Variants in HYCC1 observed in about 807,000 individuals in gnomAD.
The protein encoded by HYCC1 is hyccin.
the HYCC1 span, among the ~76,000 whole-genome samples, chr7:22,950,711 A>G: frequency 6.6e-6 from 1 of 151,912 alleles, no homozygotes; most frequent in Non-Finnish European, 1.5e-5. Flanking sequence ...TTTAAAATCT[A>G]TTTTTTTATT....
At chr7:22,934,220 T>TCCCC in the HYCC1 span, 2 of 86,038 alleles carry the variant, frequency 2.3e-5, no homozygotes, top group Non-Finnish European at 6.1e-5. Context: ...TTTTTTTTTT[T>TCCCC]TTTTTTTTTT....
the HYCC1 span, among the ~76,000 whole-genome samples, chr7:23,007,453 A>G: frequency 6.6e-6 from 1 of 152,156 alleles, no homozygotes; most frequent in African/African-American, 2.4e-5. Context: ...GAAATTAATT[A>G]TGCAAAATAC....
At chr7:22,936,642 C>T in the HYCC1 span, 2 of 152,124 alleles carry the variant, frequency 1.3e-5, no homozygotes, top group Non-Finnish European at 2.9e-5. Context: ...TCTGTGTTTC[C>T]AACCACCTGG....
the HYCC1 span, chr7:22,976,308 A>G: frequency 6.3e-7 from 1 of 1,595,566 alleles, no homozygotes; most frequent in Non-Finnish European, 8.6e-7. Flanking sequence ...CTTCAAACCT[A>G]AAGACAAACA....
chr7:22,920,831 T>C, the HYCC1 span, among the ~76,000 whole-genome samples: 1 of 152,160 alleles, frequency 6.6e-6, no homozygotes, highest in Non-Finnish European at 1.5e-5. Context: ...GACAGCTGAG[T>C]AGATCATGAG....
the HYCC1 span, among the ~76,000 whole-genome samples, chr7:22,963,357 G>A: frequency 2.0e-5 from 3 of 152,100 alleles, no homozygotes; most frequent in Non-Finnish European, 2.9e-5. Context: ...CAAAGAGACG[G>A]GAACTACAAG....
the HYCC1 span, chr7:22,960,254 A>T: frequency 6.2e-7 from 1 of 1,613,194 alleles, no homozygotes; most frequent in Non-Finnish European, 8.5e-7. Flanking sequence ...CGTATTTCTT[A>T]CCATGTCTTT....
At chr7:22,993,134 G>A in the HYCC1 span, among the ~76,000 whole-genome samples, 2 of 152,138 alleles carry the variant, frequency 1.3e-5, no homozygotes, top group African/African-American at 2.4e-5. Context: ...ATTCAGTGAG[G>A]AAAGGATGCT....
the HYCC1 span, among the ~76,000 whole-genome samples, chr7:22,897,186 A>G: frequency 9.2e-5 from 14 of 152,336 alleles, no homozygotes; most frequent in African/African-American, 3.4e-4. Context: ...GCCTGTTCCA[A>G]GAACGACAAG....
At chr7:22,949,076 G>A in the HYCC1 span, among the ~76,000 whole-genome samples, 36 of 151,866 alleles carry the variant, frequency 2.4e-4, no homozygotes, top group Admixed American at 7.2e-4. Flanking sequence ...ATCAAACTTC[G>A]GAAATTATCC....
chr7:22,964,394 C>T, the HYCC1 span: 29 of 1,265,334 alleles, frequency 2.3e-5, no homozygotes, highest in East Asian at 7.0e-5. Context: ...ATGTTTATTT[C>T]GCATATGATG....
At chr7:22,960,578 T>A in the HYCC1 span, among the ~76,000 whole-genome samples, 32 of 152,286 alleles carry the variant, frequency 2.1e-4, no homozygotes, top group African/African-American at 7.7e-4. Context: ...AATAGGAGGC[T>A]AAGAGGGAAA....
chr7:22,921,833 T>A, the HYCC1 span, among the ~76,000 whole-genome samples: 1 of 152,110 alleles, frequency 6.6e-6, no homozygotes, highest in African/African-American at 2.4e-5. Context: ...CCAAGTTTGG[T>A]TGAAAAAAAT....
At chr7:22,911,981 T>G in the HYCC1 span, among the ~76,000 whole-genome samples, 1 of 152,220 alleles carries the variant, frequency 6.6e-6, no homozygotes, top group Non-Finnish European at 1.5e-5. Context: ...AATATATTCA[T>G]TGGCTACATA....
the HYCC1 span, among the ~76,000 whole-genome samples, chr7:22,919,465 G>T: frequency 1.3e-5 from 2 of 151,302 alleles, no homozygotes; most frequent in Non-Finnish European, 3.0e-5. Context: ...GGAGGCAGAG[G>T]TTGTAGTGAG....
the HYCC1 span, chr7:22,960,275 A>C: frequency 2.6e-4 from 416 of 1,613,638 alleles, 2 homozygotes; most frequent in Middle Eastern, 1.6e-4. Flanking sequence ...TCCACCTATG[A>C]CCCCTTATTG....
At chr7:22,943,510 A>G in the HYCC1 span, 1 of 152,312 alleles carries the variant, frequency 6.6e-6, no homozygotes, top group East Asian at 1.9e-4. Context: ...AGGTCTAGAG[A>G]GGTCTAAATG....
At chr7:22,976,413 C>T in the HYCC1 span, 1 of 799,418 alleles carries the variant, frequency 1.3e-6, no homozygotes, top group Non-Finnish European at 2.1e-6. Context: ...ACAGAACAGA[C>T]CTGCACAGTA....
chr7:22,976,701 T>C, the HYCC1 span: 35 of 1,598,546 alleles, frequency 2.2e-5, 1 homozygote, highest in Admixed American at 2.3e-4. Context: ...ACCGATTCTG[T>C]GCTGTCAGCA....
Sources: gnomAD v4.1 joint callset for allele counts (sites outside exome capture counted in the v4.1 genomes callset) on GRCh38, gnomAD v4.1.1 for gene constraint, MANE v1.5 for transcripts, NCBI Gene and HGNC (gene_info 2026-07-23, HGNC 2026-07-21) for gene names.